SREBF2: variants seen among roughly 807,000 people sequenced by gnomAD.
SREBF2 encodes sterol regulatory element-binding protein 2.
In SREBF2, 55 loss-of-function variants were observed where a neutral mutation model predicts 113.1. That is an observed-to-expected ratio of 0.49 (90% CI 0.39 to 0.61). The LOEUF is 0.61. Ranked by LOEUF, SREBF2 falls within the 20% of genes least tolerant of loss-of-function variation. The pLI, the probability that SREBF2 is intolerant of heterozygous loss-of-function variation, is 0.00. For missense variants in SREBF2, 1,349 were observed against 1,487.4 expected, an observed-to-expected ratio of 0.91 and a Z score of 1.53; for synonymous variants, 593 against 605.7, an observed-to-expected ratio of 0.98 and a Z score of 0.31.
intron 11 of SREBF2, among the ~76,000 whole-genome samples, chr22:41,886,810 G>A (rs2077303695): frequency 6.6e-6 from 1 of 152,252 alleles, no homozygotes; most frequent in South Asian, 2.1e-4. Flanking sequence ...AAGGCGAGCA[G>A]ATCACCTGAG....
chr22:41,894,073 A>G (rs2077389159), intron 12 of SREBF2, among the ~76,000 whole-genome samples: 1 of 152,194 alleles, frequency 6.6e-6, no homozygotes, highest in Non-Finnish European at 1.5e-5. Flanking sequence ...GATGAAAGCA[A>G]AAGCAATCCT....
At chr22:41,891,368 T>C (rs1234254482) in intron 11 of SREBF2, 2 of 152,226 alleles carry the variant, frequency 1.3e-5, no homozygotes, top group Non-Finnish European at 2.9e-5. Flanking sequence ...AAGGACGGAC[T>C]ATTGGTGCCC....
intron 9 of SREBF2, among the ~76,000 whole-genome samples, chr22:41,879,147 C>T (rs2077223594): frequency 6.6e-6 from 1 of 152,134 alleles, no homozygotes; most frequent in African/African-American, 2.4e-5. Flanking sequence ...AGGCATGAGC[C>T]ACCACGCCTG....
intron 17 of SREBF2, among the ~76,000 whole-genome samples, chr22:41,903,661 C>T (rs1186569830): frequency 1.3e-5 from 2 of 152,198 alleles, no homozygotes; most frequent in African/African-American, 2.4e-5. Flanking sequence ...CAGCTATTTC[C>T]TTTTTTGTTT....
chr22:41,854,437 C>T (rs897104849), intron 1 of SREBF2, among the ~76,000 whole-genome samples: 5 of 151,760 alleles, frequency 3.3e-5, no homozygotes, highest in East Asian at 3.9e-4. Context: ...GCTGAGATTG[C>T]AGGGGTGAAC....
chr22:41,880,800 G>A lies in SREBF2; in HGVS notation c.1846G>A (p.Ala616Thr). Residue 616 changes from alanine to threonine, a missense_variant, in exon 10 of 19, where the codon GCC (alanine) becomes ACC (threonine). Around this residue, in one of 2 missense-constraint regions of SREBF2, gnomAD observed 699 missense variants for 843.3 expected, o/e 0.83. Transcript: ENST00000361204. The part of the protein sequence containing the change: ...RALPTSRLDL[A>T]CSLSWNVIRY... ...ACTGCCCACCTCCCGCCTGGACCTG[G>A]CCTGCAGCCTCTCCTGGAACGTGAT... 1 of 1,614,124 alleles carries A rather than the reference G, an allele frequency of 6.2e-7. No homozygotes were observed. Among genetic ancestry groups the A allele is most frequent in the East Asian group, 2.2e-5 (1 of 44,892 alleles).
At position 41,868,709 on chromosome 22, in the gene SREBF2, A is replaced by T. The variant is rs1309581237; in HGVS notation, c.637A>T (p.Thr213Ser). 1 of 1,614,052 alleles carries T rather than the reference A, an allele frequency of 6.2e-7. No individual in the cohort carries two copies. The highest frequency in any genetic ancestry group is 2.2e-5 in the East Asian group (1 of 44,892). ...VQTVQAQRVL[T>S]QTANGTLQTL... ...GACAGTACAGGCCCAGCGGGTGCTGACACAAACGGCCAATGGCACGCTGCA... is the reference window on the plus strand; with the variant it reads ...GACAGTACAGGCCCAGCGGGTGCTGTCACAAACGGCCAATGGCACGCTGCA... The change falls in exon 3 of 19, where the codon ACA becomes TCA. Residue 213 changes from threonine to serine, a missense_variant. Coordinates refer to ENST00000361204, the MANE Select transcript of SREBF2 (RefSeq NM_004599.4).
intron 1 of SREBF2, among the ~76,000 whole-genome samples, chr22:41,861,579 T>C (rs974447837): frequency 3.3e-5 from 5 of 152,110 alleles, no homozygotes; most frequent in Non-Finnish European, 7.3e-5. Context: ...ATTTATATGC[T>C]TTCTAAATTT....
At chr22:41,864,241 TATATATATATATATATATATAC>T (rs1203384418) in intron 1 of SREBF2, among the ~76,000 whole-genome samples, 5 of 90,646 alleles carry the variant, frequency 5.5e-5, no homozygotes, top group South Asian at 4.0e-4. Context: ...TATATATATA[TATATATATATATATATATATAC>T]ACACACACAC....
chr22:41,892,647 CAAAAAAAAAA>C (rs397967305), intron 11 of SREBF2, among the ~76,000 whole-genome samples: 4 of 76,984 alleles, frequency 5.2e-5, no homozygotes, highest in Admixed American at 1.3e-4. Context: ...AACTCCGTCT[CAAAAAAAAAA>C]AAAAAAAAAA....
At chr22:41,853,192 T>A (rs978422086) in intron 1 of SREBF2, among the ~76,000 whole-genome samples, 6 of 152,218 alleles carry the variant, frequency 3.9e-5, no homozygotes, top group Non-Finnish European at 8.8e-5. Context: ...CAACTTGCTA[T>A]GAGTTCTCCT....
At chr22:41,843,282 C>T (rs1369235899) in intron 1 of SREBF2, among the ~76,000 whole-genome samples, 1 of 152,146 alleles carries the variant, frequency 6.6e-6, no homozygotes, top group Non-Finnish European at 1.5e-5. Flanking sequence ...GATCGTTCAC[C>T]AGGTTTTGAA....
At chr22:41,894,993 A>G in intron 13 of SREBF2, 56 bp downstream of exon 13, 1 of 1,440,584 alleles carries the variant, frequency 6.9e-7, no homozygotes, top group Non-Finnish European at 9.7e-7. Flanking sequence ...AGGCAACTCC[A>G]GGACAGCCTG....
In SREBF2 at chr22:41,868,764, T is replaced by C; in HGVS notation, c.692T>C (p.Val231Ala). The C allele has an allele frequency of 1.2e-6, 2 of 1,613,496 alleles. No homozygotes were observed. Among genetic ancestry groups the C allele is most frequent in the East Asian group, 2.2e-5 (1 of 44,834 alleles). ...QTLAPATVQT[V>A]AAPQVQQVPV... ...CTTGCCCCGGCTACGGTGCAGACAG[T>C]TGCTGCGCCACAGGTGCAGCAGGTC... is the stretch of plus-strand genomic sequence containing the variant. The change falls in exon 3 of 19, where the codon GTT (valine) becomes GCT (alanine). Residue 231 changes from valine to alanine, a missense_variant. This residue lies in a region of SREBF2 where 699 missense variants were observed against 843.3 expected (regional missense o/e 0.83). Transcript: ENST00000361204.
At chr22:41,846,475 A>G (rs541524239) in intron 1 of SREBF2, among the ~76,000 whole-genome samples, 1 of 152,362 alleles carries the variant, frequency 6.6e-6, no homozygotes, top group East Asian at 1.9e-4. Flanking sequence ...AAGGAAGATC[A>G]GGGTGCTAAT....
intron 17 of SREBF2, chr22:41,904,609 T>C (rs1373128411): frequency 4.5e-6 from 3 of 664,062 alleles, no homozygotes; most frequent in Non-Finnish European, 8.6e-6. Context: ...AGGGCTTTCT[T>C]GTCACCAGTT....
chr22:41,891,688 G>C (rs972807444), intron 11 of SREBF2, among the ~76,000 whole-genome samples: 2 of 152,202 alleles, frequency 1.3e-5, no homozygotes, highest in African/African-American at 4.8e-5. Flanking sequence ...CTGTGGGGGC[G>C]AGGGCTGGGG....
intron 4 of SREBF2, 21 bp from the exon 5 acceptor site, chr22:41,873,777 G>A: frequency 6.3e-7 from 1 of 1,582,564 alleles, no homozygotes; most frequent in Non-Finnish European, 8.6e-7. Flanking sequence ...TCATTCTGCT[G>A]TGTACCTGTC....
At chr22:41,893,051 C>T in intron 11 of SREBF2, 66 bp from the exon 12 acceptor site, 3 of 1,584,640 alleles carry the variant, frequency 1.9e-6, no homozygotes, top group Non-Finnish European at 2.6e-6. Flanking sequence ...GCTTTCTGCA[C>T]CCCACAGTGG....
Sources: gnomAD v4.1 joint callset for allele counts (sites outside exome capture counted in the v4.1 genomes callset) on GRCh38, gnomAD v4.1.1 for gene constraint, gnomAD v4.1.1 regional missense constraint, MANE v1.5 for transcripts, NCBI Gene and HGNC (gene_info 2026-07-23, HGNC 2026-07-21) for gene names.